The following ADGRL3 variants were observed in gnomAD, a reference collection of about 807,000 sequenced individuals.
ADGRL3 encodes adhesion G protein-coupled receptor L3.
Under a neutral mutation model 153.5 loss-of-function variants are expected in ADGRL3, and 62 were observed. That is an observed-to-expected ratio of 0.40 (90% CI 0.33 to 0.50). The LOEUF is 0.50. Ranked by LOEUF, ADGRL3 falls within the 20% of genes least tolerant of loss-of-function variation. ADGRL3 has a pLI of 0.47. For missense variants in ADGRL3, 1,641 were observed against 1,859.4 expected, an observed-to-expected ratio of 0.88 and a Z score of 2.16; for synonymous variants, 710 against 672.5, an observed-to-expected ratio of 1.06 and a Z score of -0.86.
At chr4:61,646,179 C>T (rs1395866353) in intron 5 of ADGRL3, among the ~76,000 whole-genome samples, 2 of 152,078 alleles carry the variant, frequency 1.3e-5, no homozygotes, top group Admixed American at 6.5e-5. Context: ...TCTAGTTATA[C>T]ATTCTTCTAA....
At chr4:62,068,817 A>G (rs1158831851) in intron 26 of ADGRL3, among the ~76,000 whole-genome samples, 1 of 152,166 alleles carries the variant, frequency 6.6e-6, no homozygotes. Context: ...AATTTTGAAA[A>G]CTGTCTTACT....
chr4:61,562,944 CA>C (rs35146786), intron 4 of ADGRL3, among the ~76,000 whole-genome samples: 38,558 of 105,862 alleles, frequency 0.36, 5,975 homozygotes, highest in East Asian at 0.63. Flanking sequence ...GACCCTGTCT[CA>C]AAAAAAAAAA....
chr4:62,026,607 A>G (rs1044768553), intron 21 of ADGRL3, among the ~76,000 whole-genome samples: 11 of 152,126 alleles, frequency 7.2e-5, no homozygotes, highest in African/African-American at 2.7e-4. Context: ...TAATTTTTAA[A>G]AACGTTTTTA....
chr4:61,969,079 C>T (rs573367977), intron 17 of ADGRL3, among the ~76,000 whole-genome samples: 1 of 151,486 alleles, frequency 6.6e-6, no homozygotes, highest in South Asian at 2.1e-4. Context: ...ACAAAATCAG[C>T]TCTACACTCT....
chr4:62,036,860 A>G (rs1332257396), intron 23 of ADGRL3, among the ~76,000 whole-genome samples: 1 of 151,950 alleles, frequency 6.6e-6, no homozygotes, highest in African/African-American at 2.4e-5. Flanking sequence ...GATTTAAGGC[A>G]GTTACTGTTT....
At chr4:61,399,882 A>C (rs4860413) in intron 2 of ADGRL3, among the ~76,000 whole-genome samples, 3 of 151,630 alleles carry the variant, frequency 2.0e-5, no homozygotes, top group African/African-American at 7.3e-5. Context: ...AACTCAGTTG[A>C]AATGACAGAG....
chr4:61,690,667 G>C (rs1358583731), intron 6 of ADGRL3, among the ~76,000 whole-genome samples: 1 of 152,042 alleles, frequency 6.6e-6, no homozygotes, highest in East Asian at 1.9e-4. Context: ...ACTTTTGCTG[G>C]AGAGGAAATG....
At chr4:61,521,907 C>T (rs55939610) in intron 4 of ADGRL3, among the ~76,000 whole-genome samples, 3,315 of 151,780 alleles carry the variant, frequency 0.022, 112 homozygotes, top group East Asian at 0.15. Flanking sequence ...GAAAAAAAAA[C>T]TAAACTAAAA....
chr4:61,804,108 T>C (rs2097529291), intron 8 of ADGRL3, among the ~76,000 whole-genome samples: 1 of 152,304 alleles, frequency 6.6e-6, no homozygotes, highest in East Asian at 1.9e-4. Context: ...TAAATTATCT[T>C]GAAAAGAATT....
chr4:61,342,705 G>GT (rs1163090844), intron 1 of ADGRL3, among the ~76,000 whole-genome samples: 1 of 152,044 alleles, frequency 6.6e-6, no homozygotes, highest in Non-Finnish European at 1.5e-5. Flanking sequence ...TCTAGCACCC[G>GT]TCTCATAGCT....
chr4:61,200,552 G>T lies in ADGRL3; in HGVS notation c.-1453G>T, dbSNP rs974219209. Among the ~76,000 whole-genome samples, 1 of 149,268 alleles carries T rather than the reference G, an allele frequency of 6.7e-6. No homozygotes were observed. The highest frequency in any genetic ancestry group is 2.5e-5 in the African/African-American group (1 of 40,252). On this transcript the variant is annotated 5_prime_UTR_variant, in exon 1 of 27. Transcript: ENST00000683033. The stretch of plus-strand genomic sequence containing the variant: ...GCTGCTGGTTTTTCTCGGACTGCTC[G>T]TTGCCTCCGCTCCGGCAGCTGCTGC...
rs369309235 is a variant in ADGRL3, at chr4:61,500,135, C to T, written c.55+2787C>T. On this transcript the variant is annotated intron_variant, in intron 3 of 26. Coordinates refer to ENST00000683033, the MANE Select transcript of ADGRL3 (RefSeq NM_001387552.1). ...AATAATAGGACACATAAAAGACTAA[C>T]CTGGTAGGTAAAATACTCTGGGTTA... Among the ~76,000 whole-genome samples the T allele has an allele frequency of 2.6e-5, 4 of 151,288 alleles. No homozygotes were observed. The East Asian group carries it at 7.8e-4, about 29-fold the overall frequency.
Position 61,905,894 on chromosome 4 carries a change from CA to C in ADGRL3, c.1888-3655del, listed in dbSNP as rs112203930. 2.8e-3 allele frequency among the ~76,000 whole-genome samples: 292 copies of C among 105,716 alleles called. 1 individual carries two copies. Among genetic ancestry groups the C allele is most frequent in the African/African-American group, 7.2e-3 (211 of 29,124 alleles). The allele number at this position is 105,716 out of a possible 152,430, so 69.4% of individuals were successfully genotyped here. A position where few individuals can be genotyped will look rare whatever the true frequency, so the allele number is the denominator to read the frequency against. ...TCAGAGACAGAGGAAGACTCTGTCT[CA>C]AAAAAAAAAAGAAAAAAAAAGTAAT... On this transcript the variant is annotated intron_variant, in intron 11 of 26. Transcript: ENST00000683033.
chr4:61,713,757 T>G (rs1239202425), intron 6 of ADGRL3, among the ~76,000 whole-genome samples: 1 of 152,148 alleles, frequency 6.6e-6, no homozygotes, highest in Non-Finnish European at 1.5e-5. Flanking sequence ...TATTTAATAA[T>G]TTCTTACAAT....
intron 1 of ADGRL3, among the ~76,000 whole-genome samples, chr4:61,208,215 G>C (rs1020895871): frequency 1.3e-5 from 2 of 151,992 alleles, no homozygotes; most frequent in Non-Finnish European, 2.9e-5. Context: ...GTGGTGTAGA[G>C]ATGAACAGAA....
intron 1 of ADGRL3, among the ~76,000 whole-genome samples, chr4:61,319,741 A>G (rs1303244968): frequency 2.0e-5 from 3 of 152,180 alleles, no homozygotes; most frequent in Non-Finnish European, 2.9e-5. Context: ...GTGCTATATA[A>G]ATTAATTAAT....
chr4:61,218,113 A>G (rs911690125), intron 1 of ADGRL3, among the ~76,000 whole-genome samples: 8 of 152,218 alleles, frequency 5.3e-5, no homozygotes, highest in Admixed American at 1.3e-4. Flanking sequence ...ATTATTTAAT[A>G]CTAATAAAAT....
At chr4:61,732,066 G>A (rs1208783036) in intron 7 of ADGRL3, among the ~76,000 whole-genome samples, 2 of 152,020 alleles carry the variant, frequency 1.3e-5, no homozygotes, top group Non-Finnish European at 2.9e-5. Flanking sequence ...TTAAAATCTA[G>A]ATCTTGGGTT....
intron 1 of ADGRL3, among the ~76,000 whole-genome samples, chr4:61,332,909 G>C (rs1366622242): frequency 6.6e-6 from 1 of 152,040 alleles, no homozygotes; most frequent in Non-Finnish European, 1.5e-5. Flanking sequence ...GTGAAGGCAT[G>C]GTGAAAGAAT....
Sources: allele counts gnomAD v4.1 joint callset (sites outside exome capture counted in the v4.1 genomes callset), GRCh38; gene constraint gnomAD v4.1.1; transcripts MANE v1.5; gene names NCBI Gene and HGNC (gene_info 2026-07-23, HGNC 2026-07-21).